PHLDB3: variants seen among roughly 807,000 people sequenced by gnomAD.
PHLDB3 encodes pleckstrin homology-like domain family B member 3.
In PHLDB3, 86 loss-of-function variants were observed where a neutral mutation model predicts 85.7. The ratio of observed to expected loss-of-function variants is 1.00; its 90% CI spans 0.84 to 1.20. The LOEUF (loss-of-function observed/expected upper bound fraction) is 1.20, where lower values mean the gene tolerates loss of function less well. PHLDB3 is among the 50% of genes most tolerant of loss of function. The pLI, the probability that PHLDB3 is intolerant of heterozygous loss-of-function variation, is 0.00. For synonymous variants in PHLDB3, 376 were observed against 349.8 expected, an observed-to-expected ratio of 1.07 and a Z score of -0.83; for missense variants, 995 against 873.0, an observed-to-expected ratio of 1.14 and a Z score of -1.76.
chr19:43,476,153 G>T (rs144979124), intron 15 of PHLDB3, among the ~76,000 whole-genome samples: 109 of 152,222 alleles, frequency 7.2e-4, no homozygotes, highest in South Asian at 2.5e-3. Context: ...TCCTATATTA[G>T]AAATACAGGC....
rs1350415156 is a variant in PHLDB3, at chr19:43,495,255, C to A, written c.1035+1G>T. 1 of 1,613,546 alleles carries A rather than the reference C, an allele frequency of 6.2e-7. No homozygotes were observed. Among genetic ancestry groups the A allele is most frequent in the Admixed American group, 1.7e-5 (1 of 59,950 alleles). The stretch of plus-strand genomic sequence containing the variant: ...CTGAGAGGCATACAAAATCCCCATA[C>A]CTTAGTGAGGGCCGGGTTGGGCTCA... On this transcript the variant is annotated splice_donor_variant, in intron 8 of 15. Transcript: ENST00000292140. LOFTEE classifies it high-confidence loss of function.
chr19:43,503,031 C>G (rs1475873889), intron 2 of PHLDB3, among the ~76,000 whole-genome samples: 1 of 151,960 alleles, frequency 6.6e-6, no homozygotes, highest in African/African-American at 2.4e-5. Flanking sequence ...ATCTTTCTTC[C>G]TCGGAGTATG....
chr19:43,486,107 A>G, intron 13 of PHLDB3, 159 bp downstream of exon 13: 2 of 985,430 alleles, frequency 2.0e-6, no homozygotes, highest in Non-Finnish European at 1.2e-6. Context: ...GGTCATGGGA[A>G]CAGGAACTGG....
intron 14 of PHLDB3, 138 bp downstream of exon 14, chr19:43,479,239 T>C (rs925231736): frequency 1.9e-5 from 16 of 829,024 alleles, no homozygotes; most frequent in Admixed American, 1.3e-4. Context: ...TGTAGGGAAG[T>C]TAGGAGCTAG....
chr19:43,502,021 C>T, intron 3 of PHLDB3, 80 bp downstream of exon 3: 1 of 1,511,690 alleles, frequency 6.6e-7, no homozygotes, highest in Non-Finnish European at 8.9e-7. Context: ...CTGATCCCAC[C>T]CGAGGAAAAA....
At chr19:43,487,544 C>T (rs1971200772) in intron 9 of PHLDB3, among the ~76,000 whole-genome samples, 1 of 118,636 alleles carries the variant, frequency 8.4e-6, no homozygotes, top group African/African-American at 3.2e-5. Context: ...CACTGTACTC[C>T]AGCCTGGGCG....
intron 3 of PHLDB3, 112 bp downstream of exon 3, chr19:43,501,989 G>A: frequency 6.7e-7 from 1 of 1,484,486 alleles, no homozygotes; most frequent in Non-Finnish European, 9.0e-7. Flanking sequence ...TTTGGAGGGA[G>A]GAAGAGCGGA....
intron 2 of PHLDB3, among the ~76,000 whole-genome samples, chr19:43,503,405 C>A (rs943368598): frequency 5.9e-5 from 9 of 152,080 alleles, no homozygotes; most frequent in African/African-American, 2.2e-4. Flanking sequence ...TGGGCTCAAG[C>A]GATCCTCCTG....
At chr19:43,500,971 G>C (rs1367289328) in intron 4 of PHLDB3, among the ~76,000 whole-genome samples, 2 of 132,144 alleles carry the variant, frequency 1.5e-5, no homozygotes, top group African/African-American at 5.8e-5. Flanking sequence ...CAGCCTAAAA[G>C]GATTTCTTAT....
At chr19:43,482,418 A>C (rs1273402798) in intron 13 of PHLDB3, among the ~76,000 whole-genome samples, 1 of 152,180 alleles carries the variant, frequency 6.6e-6, no homozygotes, top group African/African-American at 2.4e-5. Context: ...ACACTTGCTC[A>C]CGTGCACAAA....
At chr19:43,485,468 C>T (rs998466465) in intron 13 of PHLDB3, among the ~76,000 whole-genome samples, 34 of 152,042 alleles carry the variant, frequency 2.2e-4, no homozygotes, top group African/African-American at 7.7e-4. Flanking sequence ...ACCTCAGCCT[C>T]CCAAAGTGCT....
At chr19:43,501,993 G>T in intron 3 of PHLDB3, 108 bp downstream of exon 3, 1 of 1,486,572 alleles carries the variant, frequency 6.7e-7, no homozygotes. Flanking sequence ...GAGGGAGGAA[G>T]AGCGGAGGGC....
rs575092106 is a variant in PHLDB3, at chr19:43,477,995, ACTCCAACTGAGT to A, written c.1788+40_1788+51del. 8 of 1,464,092 alleles carry A rather than the reference ACTCCAACTGAGT, an allele frequency of 5.5e-6. No individual in the cohort carries two copies. In the Admixed American group the frequency reaches 1.4e-4, roughly 25 times the overall value. 90.7% of individuals were successfully genotyped at this position (1,464,092 alleles called of 1,614,324 possible). The stretch of plus-strand genomic sequence containing the variant: ...TGAGCCAGGGATGAGATAAGGCCTG[ACTCCAACTGAGT>A]CTCCAACTGGGAGGTCAGGGTGACA... On this transcript the variant is annotated intron_variant, in intron 15 of 15. Transcript: ENST00000292140.
In PHLDB3 at chr19:43,487,127, A is replaced by T; in HGVS notation, c.1150-4T>A. 1 of 1,555,842 alleles carries T rather than the reference A, an allele frequency of 6.4e-7. No homozygotes were observed. Among genetic ancestry groups the T allele is most frequent in the Non-Finnish European group, 8.7e-7 (1 of 1,149,090 alleles). On this transcript the variant is annotated splice_polypyrimidine_tract_variant and splice_region_variant and intron_variant, in intron 9 of 15. Coordinates refer to ENST00000292140, the MANE Select transcript of PHLDB3 (RefSeq NM_198850.4). ...TCCTCTGGAGGCCAATGGAGCCCTG[A>T]AAACACAAAAGGCTCATGAGCATAG...
chr19:43,492,867 G>A (rs1971353429), intron 9 of PHLDB3, among the ~76,000 whole-genome samples: 1 of 151,890 alleles, frequency 6.6e-6, no homozygotes, highest in Non-Finnish European at 1.5e-5. Context: ...TAAAACCATT[G>A]TTATTATTAT....
chr19:43,496,447 T>C (rs1400210095), intron 6 of PHLDB3: 2 of 152,186 alleles, frequency 1.3e-5, no homozygotes, highest in African/African-American at 4.8e-5. Flanking sequence ...AGCATCTTTT[T>C]GGAATAGAGG....
At chr19:43,491,459 T>C (rs2145922761) in intron 9 of PHLDB3, among the ~76,000 whole-genome samples, 1 of 152,252 alleles carries the variant, frequency 6.6e-6, no homozygotes, top group East Asian at 1.9e-4. Context: ...TGACCTATAT[T>C]AAGTGCTTTA....
At chr19:43,479,820 G>A (rs1462403571) in intron 13 of PHLDB3, among the ~76,000 whole-genome samples, 1 of 152,088 alleles carries the variant, frequency 6.6e-6, no homozygotes, top group Non-Finnish European at 1.5e-5. Flanking sequence ...CATGGCAACT[G>A]TGAGCCCCAT....
chr19:43,481,292 G>A (rs888940695), intron 13 of PHLDB3, among the ~76,000 whole-genome samples: 10 of 151,998 alleles, frequency 6.6e-5, no homozygotes, highest in Admixed American at 6.6e-4. Flanking sequence ...GACCAGCCTG[G>A]GGCAACATGG....
Sources: gnomAD v4.1 joint callset for allele counts (sites outside exome capture counted in the v4.1 genomes callset) on GRCh38, gnomAD v4.1.1 for gene constraint, MANE v1.5 for transcripts, NCBI Gene and HGNC (gene_info 2026-07-23, HGNC 2026-07-21) for gene names.